Variants in EPB41L2 observed in about 807,000 individuals in gnomAD.
The protein encoded by EPB41L2 is erythrocyte membrane protein band 4.1 like 2.
EPB41L2 carries 43 observed loss-of-function variants against 113.0 expected under a neutral mutation model. That is an observed-to-expected ratio of 0.38 (90% CI 0.30 to 0.49). EPB41L2 has a LOEUF of 0.49. Ranked by LOEUF, EPB41L2 falls within the 20% of genes least tolerant of loss-of-function variation. EPB41L2 has a pLI of 0.95. For synonymous variants in EPB41L2, 442 were observed against 436.7 expected, an observed-to-expected ratio of 1.01 and a Z score of -0.15; for missense variants, 1,147 against 1,223.4, an observed-to-expected ratio of 0.94 and a Z score of 0.93.
intron 14 of EPB41L2, among the ~76,000 whole-genome samples, chr6:130,877,676 C>A (rs1170584996): frequency 6.6e-6 from 1 of 152,036 alleles, no homozygotes. Context: ...AAGTTAAACT[C>A]ATTTTCCTCA....
intron 14 of EPB41L2, among the ~76,000 whole-genome samples, chr6:130,877,732 T>C (rs1788017541): frequency 6.6e-6 from 1 of 152,150 alleles, no homozygotes. Flanking sequence ...TATTTCTTTA[T>C]TTATTAATTA....
chr6:130,939,012 A>G (rs1809857793), intron 3 of EPB41L2, among the ~76,000 whole-genome samples: 1 of 152,202 alleles, frequency 6.6e-6, no homozygotes, highest in Non-Finnish European at 1.5e-5. Flanking sequence ...TAACGGCGAA[A>G]AGCACCAAGA....
chr6:130,907,667 A>C (rs1798127251), intron 5 of EPB41L2, among the ~76,000 whole-genome samples: 1 of 152,196 alleles, frequency 6.6e-6, no homozygotes, highest in African/African-American at 2.4e-5. Flanking sequence ...TCAGAATAAA[A>C]AAAGAGAGTA....
At chr6:130,872,269 A>T in intron 14 of EPB41L2, 1 of 873,000 alleles carries the variant, frequency 1.1e-6, no homozygotes, top group Non-Finnish European at 1.5e-6. Flanking sequence ...AATTAATTTC[A>T]CCAATGAAAG....
chr6:130,887,232 T>G (rs1028623670), intron 11 of EPB41L2, among the ~76,000 whole-genome samples: 1 of 152,184 alleles, frequency 6.6e-6, no homozygotes, highest in African/African-American at 2.4e-5. Flanking sequence ...GCCGATACAT[T>G]TATTCAGGTC....
intron 10 of EPB41L2, among the ~76,000 whole-genome samples, chr6:130,892,264 C>T (rs761723008): frequency 3.2e-4 from 48 of 152,090 alleles, no homozygotes; most frequent in Non-Finnish European, 4.6e-4. Flanking sequence ...CTGTGCTCCT[C>T]CACAGGCACC....
chr6:131,035,453 T>C (rs1456992945), intron 1 of EPB41L2, among the ~76,000 whole-genome samples: 1 of 152,226 alleles, frequency 6.6e-6, no homozygotes, highest in Non-Finnish European at 1.5e-5. Context: ...TTCTGCTTCC[T>C]TCCCTGACAT....
intron 8 of EPB41L2, among the ~76,000 whole-genome samples, chr6:130,897,203 G>A (rs1056511059): frequency 6.6e-6 from 1 of 151,050 alleles, no homozygotes; most frequent in Non-Finnish European, 1.5e-5. Context: ...ACATGAATAT[G>A]ACATTACAAA....
intron 1 of EPB41L2, among the ~76,000 whole-genome samples, chr6:130,997,825 T>TA (rs1783502199): frequency 6.6e-6 from 1 of 152,108 alleles, no homozygotes; most frequent in Admixed American, 6.6e-5. Flanking sequence ...AGGGAAGAAT[T>TA]AAAAGAAACT....
In EPB41L2 at chr6:130,858,122, C is replaced by T; in HGVS notation, c.*5+9G>A. The T allele has an allele frequency of 2.5e-6, 4 of 1,602,704 alleles. No homozygotes were observed. Among genetic ancestry groups the T allele is most frequent in the South Asian group, 1.1e-5 (1 of 90,758 alleles). ...CTAGAAAGGCCACAGACAATGAGGG[C>T]TCTCTTACCTTACTTAATCTTCCCC... is the stretch of plus-strand genomic sequence containing the variant. On this transcript the variant is annotated intron_variant, in intron 19 of 19. Coordinates refer to ENST00000337057, the MANE Select transcript of EPB41L2 (RefSeq NM_001431.4).
At chr6:130,849,036 C>T (rs1285222622) in intron 19 of EPB41L2, among the ~76,000 whole-genome samples, 1 of 152,118 alleles carries the variant, frequency 6.6e-6, no homozygotes, top group Non-Finnish European at 1.5e-5. Flanking sequence ...AAAGTCATAA[C>T]CACCACCCCA....
intron 1 of EPB41L2, among the ~76,000 whole-genome samples, chr6:131,029,519 T>G (rs901510935): frequency 1.4e-4 from 21 of 152,036 alleles, no homozygotes; most frequent in African/African-American, 5.1e-4. Context: ...TTTCATTCTA[T>G]AGAAATAATT....
intron 1 of EPB41L2, among the ~76,000 whole-genome samples, chr6:131,059,464 T>C (rs985347818): frequency 1.3e-5 from 2 of 152,234 alleles, no homozygotes; most frequent in Non-Finnish European, 2.9e-5. Context: ...TTCCCTATAG[T>C]TAATGACATC....
intron 1 of EPB41L2, among the ~76,000 whole-genome samples, chr6:131,014,717 A>G (rs956337551): frequency 6.6e-6 from 1 of 152,238 alleles, no homozygotes; most frequent in African/African-American, 2.4e-5. Context: ...AAAAACAATA[A>G]GCAAAGGAAC....
At chr6:130,925,340 C>G (rs1334080317) in intron 4 of EPB41L2, among the ~76,000 whole-genome samples, 1 of 151,854 alleles carries the variant, frequency 6.6e-6, no homozygotes, top group Non-Finnish European at 1.5e-5. Flanking sequence ...AGGTGCCCAC[C>G]ACCATGCCCG....
At chr6:131,013,248 AAAT>A (rs897098978) in intron 1 of EPB41L2, among the ~76,000 whole-genome samples, 16 of 141,946 alleles carry the variant, frequency 1.1e-4, no homozygotes, top group African/African-American at 3.7e-4. Flanking sequence ...AGAAAAAAAA[AAAT>A]ATATATATAT....
At chr6:130,989,314 A>G (rs1781293057) in intron 1 of EPB41L2, among the ~76,000 whole-genome samples, 1 of 152,216 alleles carries the variant, frequency 6.6e-6, no homozygotes, top group Non-Finnish European at 1.5e-5. Flanking sequence ...CTATCAGGTT[A>G]CAAGCTCCAC....
rs148715558 is a variant in EPB41L2, at chr6:130,899,533, T to C, written c.1194A>G (p.Ala398=). The part of the protein sequence containing the change: ...AQADSQFLEN[A]KRLSMYGVDL... ...CAACACCATACATGGAAAGCCTCTT[T>C]GCATTTTCTAAGAACTGGGAATCAG... Residue 398 remains alanine (A), a synonymous_variant, in exon 8 of 20, where the codon GCA becomes GCG. Coordinates refer to ENST00000337057, the MANE Select transcript of EPB41L2 (RefSeq NM_001431.4). 494 of 1,614,004 alleles carry C rather than the reference T, an allele frequency of 3.1e-4. No individual in the cohort carries two copies. Among genetic ancestry groups the C allele is most frequent in the Non-Finnish European group, 4.0e-4 (468 of 1,179,878 alleles).
At chr6:131,054,618 T>G (rs986470040) in intron 1 of EPB41L2, among the ~76,000 whole-genome samples, 1 of 152,244 alleles carries the variant, frequency 6.6e-6, no homozygotes, top group Non-Finnish European at 1.5e-5. Context: ...CGGGCGCCAC[T>G]TGTGGCACAT....
Sources: gnomAD v4.1 joint callset for allele counts (sites outside exome capture counted in the v4.1 genomes callset) on GRCh38, gnomAD v4.1.1 for gene constraint, MANE v1.5 for transcripts, NCBI Gene and HGNC (gene_info 2026-07-23, HGNC 2026-07-21) for gene names.